SGPL1: variants seen among roughly 807,000 people sequenced by gnomAD.
The protein encoded by SGPL1 is SP-lyase 1.
SGPL1 carries 37 observed loss-of-function variants against 68.9 expected under a neutral mutation model. The observed-to-expected ratio is 0.54, with a 90% CI of 0.41 to 0.71. SGPL1 has a LOEUF of 0.71. Among genes scored for constraint, SGPL1 ranks in the 30% least tolerant of loss-of-function variants. The pLI, the probability that SGPL1 is intolerant of heterozygous loss-of-function variation, is 0.00. For synonymous variants in SGPL1, 236 were observed against 248.5 expected, an observed-to-expected ratio of 0.95 and a Z score of 0.47; for missense variants, 551 against 704.6, an observed-to-expected ratio of 0.78 and a Z score of 2.47.
intron 2 of SGPL1, among the ~76,000 whole-genome samples, chr10:70,823,138 G>C (rs1192834318): frequency 6.6e-6 from 1 of 152,044 alleles, no homozygotes; most frequent in Non-Finnish European, 1.5e-5. Context: ...GGGCGTGTGT[G>C]TGTCTCTCCC....
At chr10:70,833,316 A>T (rs376434395) in intron 2 of SGPL1, among the ~76,000 whole-genome samples, 1 of 152,222 alleles carries the variant, frequency 6.6e-6, no homozygotes, top group Non-Finnish European at 1.5e-5. Flanking sequence ...AACTTCTCAG[A>T]TACTGGATCT....
Position 70,871,113 on chromosome 10 carries a change from T to C in SGPL1, c.876T>C (p.His292=). 1 of 1,613,856 alleles carries C rather than the reference T, an allele frequency of 6.2e-7. No homozygotes were observed. The highest frequency in any genetic ancestry group is 8.5e-7 in the Non-Finnish European group (1 of 1,179,808). The change falls in exon 10 of 15, where the codon CAT becomes CAC. Residue 292 remains histidine, a synonymous_variant. Transcript: ENST00000373202. ...MLVCSTPQFP[H]GVIDPVPEVA... Reference sequence around the variant, plus strand: ...TCTGTTCTACCCCACAGTTTCCTCATGGTGTAATAGATCCTGTCCCTGAAG... The same window carrying C: ...TCTGTTCTACCCCACAGTTTCCTCACGGTGTAATAGATCCTGTCCCTGAAG...
intron 2 of SGPL1, among the ~76,000 whole-genome samples, chr10:70,837,327 C>T (rs1434693057): frequency 1.3e-5 from 2 of 152,074 alleles, no homozygotes; most frequent in African/African-American, 2.4e-5. Context: ...ATCTACCCAC[C>T]TCGGCCTCCC....
At position 70,878,831 on chromosome 10, in the gene SGPL1, A is replaced by G. The variant is rs1846445835; in HGVS notation, c.*1496A>G. The G allele has an allele frequency of 6.6e-6, 1 of 152,456 alleles. No homozygotes were observed. Among genetic ancestry groups the G allele is most frequent in the African/African-American group, 2.4e-5 (1 of 41,456 alleles). The allele number at this position is 152,456 out of a possible 1,614,324, so 9.4% of individuals were successfully genotyped here. The stretch of plus-strand genomic sequence containing the variant: ...CTGAACATTTCTCAGCCCTGGCTAA[A>G]AGGGAGCAGCACAGGGAGAGAAACA... On this transcript the variant is annotated 3_prime_UTR_variant, in exon 15 of 15. Transcript: ENST00000373202.
chr10:70,844,579 G>T lies in SGPL1; in HGVS notation c.134G>T (p.Trp45Leu). 6.2e-7 allele frequency: 1 copy of T among 1,614,136 alleles called. No homozygotes were observed. The highest frequency in any genetic ancestry group is 8.5e-7 in the Non-Finnish European group (1 of 1,180,018). ...TATGAGCCCTGGCAGCTAATTGCAT[G>T]GAGTGTCGTGTGGACCCTGCTGATA... ...TKYEPWQLIA[W>L]SVVWTLLIVW... Residue 45 changes from tryptophan to leucine, a missense_variant, in exon 3 of 15, where the codon TGG becomes TTG. Physicochemically the swap from Trp to Leu is moderately conservative, Grantham distance 61 (BLOSUM62 -2). Coordinates refer to ENST00000373202, the MANE Select transcript of SGPL1 (RefSeq NM_003901.4).
rs1323353295 is a variant in SGPL1 at position 70,875,448 on chromosome 10, T to A, written c.1345T>A (p.Ser449Thr). ...CTTTGTTTTTGGGAATCCCCAATTG[T>A]CAGTCATTGCTCTGGGATCCCGTGA... ...GIFVFGNPQL[S>T]VIALGSRDFD... The change falls in exon 13 of 15, where the codon TCA becomes ACA. Residue 449 changes from serine (S) to threonine (T), a missense_variant. Coordinates refer to ENST00000373202, the MANE Select transcript of SGPL1 (RefSeq NM_003901.4). The A allele has an allele frequency of 1.2e-6, 2 of 1,612,238 alleles. No individual in the cohort carries two copies. Among genetic ancestry groups the A allele is most frequent in the Non-Finnish European group, 1.7e-6 (2 of 1,178,390 alleles).
At chr10:70,825,733 CAG>C (rs975488896) in intron 2 of SGPL1, among the ~76,000 whole-genome samples, 3 of 152,174 alleles carry the variant, frequency 2.0e-5, no homozygotes, top group Non-Finnish European at 4.4e-5. Flanking sequence ...CATACTTTCT[CAG>C]GGGGTTCTTT....
chr10:70,873,423 G>A lies in SGPL1; in HGVS notation c.1132G>A (p.Val378Ile), dbSNP rs369763767. 82 of 1,614,116 alleles carry A rather than the reference G, an allele frequency of 5.1e-5. 1 individual carries two copies. Among genetic ancestry groups the A allele is most frequent in the Admixed American group, 1.2e-4 (7 of 60,012 alleles). ...GAAGTACAGGAACTATCAGTTCTTC[G>A]TCGATACAGATTGGCAGGGTGGCAT... The part of the protein sequence containing the change: ...DKKYRNYQFF[V>I]DTDWQGGIYA... Residue 378 changes from valine to isoleucine, a missense_variant, in exon 12 of 15, where the codon GTC (valine) becomes ATC (isoleucine). Physicochemically the swap from Val to Ile is conservative, Grantham distance 29. Transcript: ENST00000373202.
chr10:70,853,330 G>A (rs1049071420), intron 4 of SGPL1, among the ~76,000 whole-genome samples: 20 of 152,156 alleles, frequency 1.3e-4, no homozygotes, highest in Admixed American at 2.6e-4. Context: ...CTTGGCTAGA[G>A]ATGAGAAAAT....
At chr10:70,828,069 T>C (rs1415957464) in intron 2 of SGPL1, among the ~76,000 whole-genome samples, 2 of 152,222 alleles carry the variant, frequency 1.3e-5, no homozygotes, top group Admixed American at 1.3e-4. Flanking sequence ...TTTTTGGCTA[T>C]TGTGAATGAC....
intron 6 of SGPL1, among the ~76,000 whole-genome samples, chr10:70,858,988 C>T (rs1008906667): frequency 6.6e-6 from 1 of 152,220 alleles, no homozygotes; most frequent in East Asian, 1.9e-4. Flanking sequence ...GCTTCACATG[C>T]ATTATGTTAT....
At chr10:70,863,630 C>T (rs1846124458) in intron 7 of SGPL1, among the ~76,000 whole-genome samples, 1 of 152,132 alleles carries the variant, frequency 6.6e-6, no homozygotes, top group South Asian at 2.1e-4. Flanking sequence ...ATTGCCACCA[C>T]ACTGGAACCA....
Position 70,878,966 on chromosome 10 carries a change from C to T in SGPL1, c.*1631C>T, listed in dbSNP as rs1341064966. On this transcript the variant is annotated 3_prime_UTR_variant, in exon 15 of 15. Transcript: ENST00000373202. Reference sequence around the variant, plus strand: ...ACAGGACCAGACCCTGCGCCTATTTCCTGCCTTCTTTCCCCTATAGGGAAC... The same window carrying T: ...ACAGGACCAGACCCTGCGCCTATTTTCTGCCTTCTTTCCCCTATAGGGAAC... 1 of 152,728 alleles carries T rather than the reference C, an allele frequency of 6.5e-6. No individual in the cohort carries two copies. Among genetic ancestry groups the T allele is most frequent in the Non-Finnish European group, 1.5e-5 (1 of 68,120 alleles). The allele number at this position is 152,728 out of a possible 1,614,324, so 9.5% of individuals were successfully genotyped here.
At chr10:70,821,054 C>T (rs561522566) in intron 2 of SGPL1, among the ~76,000 whole-genome samples, 46 of 152,298 alleles carry the variant, frequency 3.0e-4, no homozygotes, top group African/African-American at 1.1e-3. Flanking sequence ...GCTATCAGCC[C>T]TCAGTGTGTT....
At chr10:70,847,512 C>A (rs1439642195) in intron 3 of SGPL1, among the ~76,000 whole-genome samples, 1 of 152,020 alleles carries the variant, frequency 6.6e-6, no homozygotes, top group East Asian at 1.9e-4. Flanking sequence ...AAAAGTTGGA[C>A]AATATGGGTA....
chr10:70,830,828 C>T (rs559710402), intron 2 of SGPL1, among the ~76,000 whole-genome samples: 3 of 152,046 alleles, frequency 2.0e-5, no homozygotes, highest in Non-Finnish European at 2.9e-5. Flanking sequence ...AGATAATTTT[C>T]GAAAGTAATA....
chr10:70,851,568 A>G lies in SGPL1; in HGVS notation c.261+358A>G, dbSNP rs567295182. 2.3e-3 allele frequency among the ~76,000 whole-genome samples: 350 copies of G among 152,302 alleles called. 2 individuals are homozygous for G. Among genetic ancestry groups the G allele is most frequent in the African/African-American group, 8.2e-3 (342 of 41,560 alleles). On this transcript the variant is annotated intron_variant, in intron 4 of 14. Transcript: ENST00000373202. ...TGTAACTGGCCAAAGGAGAGATGAG[A>G]AGCCTGTTAAGGAAGTAAGAATTTG...
chr10:70,871,052 T>C lies in SGPL1; in HGVS notation c.815T>C (p.Met272Thr), dbSNP rs779878012. 1.9e-6 allele frequency: 3 copies of C among 1,612,536 alleles called. No individual in the cohort carries two copies. Among genetic ancestry groups the C allele is most frequent in the South Asian group, 2.2e-5 (2 of 91,058 alleles). The stretch of plus-strand genomic sequence containing the variant: ...CTTTAAACTTTAAATCCCTAGGCAA[T>C]GAGAAGAGCTATCTCCAGGAACACT... ...TKMMEVDVRAMRRAISRNTAM... is the reference protein window; with the variant it reads ...TKMMEVDVRATRRAISRNTAM... The change falls in exon 10 of 15, where the codon ATG (methionine) becomes ACG (threonine). Residue 272 changes from methionine (M) to threonine (T), a missense_variant. Coordinates refer to ENST00000373202, the MANE Select transcript of SGPL1 (RefSeq NM_003901.4).
intron 2 of SGPL1, among the ~76,000 whole-genome samples, chr10:70,823,965 T>C (rs1365753053): frequency 6.6e-6 from 1 of 152,270 alleles, no homozygotes; most frequent in Non-Finnish European, 1.5e-5. Flanking sequence ...AGTTTTGATA[T>C]GTCATTGTTT....
Sources: allele counts gnomAD v4.1 joint callset (sites outside exome capture counted in the v4.1 genomes callset), GRCh38; gene constraint gnomAD v4.1.1; transcripts MANE v1.5; gene names NCBI Gene and HGNC (gene_info 2026-07-23, HGNC 2026-07-21).